Variants in SPAG16 observed in about 807,000 individuals in gnomAD.
The protein encoded by SPAG16 is sperm-associated antigen 16 protein.
A neutral mutation model predicts 80.4 loss-of-function variants in SPAG16; 86 were observed. The ratio of observed to expected loss-of-function variants is 1.07; its 90% confidence interval spans 0.90 to 1.28. SPAG16 has a LOEUF of 1.28. Among genes scored for constraint, SPAG16 ranks in the 50% most tolerant of loss-of-function variants. SPAG16 has a pLI of 0.00. For synonymous variants in SPAG16, 294 were observed against 265.9 expected (o/e 1.11, Z -1.03); for missense variants, 870 against 765.3 (o/e 1.14, Z -1.61).
At chr2:214,391,654 AAC>A (rs1701085749) in intron 15 of SPAG16, among the ~76,000 whole-genome samples, 1 of 152,220 alleles carries the variant, frequency 6.6e-6, no homozygotes, top group South Asian at 2.1e-4. Context: ...TAACTGACTT[AAC>A]AGAGTGGGAG....
intron 15 of SPAG16, among the ~76,000 whole-genome samples, chr2:214,289,622 G>T (rs1179564028): frequency 2.0e-5 from 3 of 152,260 alleles, no homozygotes; most frequent in East Asian, 3.9e-4. Context: ...GTTTGTTTGG[G>T]TTATTATAGC....
chr2:214,281,011 A>G, intron 15 of SPAG16: 1 of 398,686 alleles, frequency 2.5e-6, no homozygotes. Flanking sequence ...GGATAGACAA[A>G]CCTCCATTCA....
At position 213,362,809 on chromosome 2, in the gene SPAG16, A is replaced by C. The variant is rs6717752; in HGVS notation, c.763-1267A>C. Among the ~76,000 whole-genome samples the C allele has an allele frequency of 3.2e-3, 490 of 152,088 alleles. 2 individuals carry two copies. The highest frequency in any genetic ancestry group is 0.011 in the African/African-American group (455 of 41,486). On this transcript the variant is annotated intron_variant, in intron 7 of 15. Transcript: ENST00000331683. ...AGACTGGGTAATTTATAAGGAAAAG[A>C]GGTTTATTTGGCGCATGGTTCTGCA...
intron 13 of SPAG16, among the ~76,000 whole-genome samples, chr2:214,090,806 C>G (rs887853560): frequency 1.3e-4 from 20 of 151,990 alleles, no homozygotes; most frequent in African/African-American, 4.6e-4. Flanking sequence ...GTTTCTTCCT[C>G]ATTAGTCTTT....
intron 9 of SPAG16, among the ~76,000 whole-genome samples, chr2:213,459,907 A>G (rs1353502359): frequency 6.6e-6 from 1 of 152,240 alleles, no homozygotes; most frequent in East Asian, 1.9e-4. Flanking sequence ...CTTTAAGGAA[A>G]AATATTTATA....
chr2:214,305,014 C>T (rs1439566847), intron 15 of SPAG16, among the ~76,000 whole-genome samples: 1 of 152,122 alleles, frequency 6.6e-6, no homozygotes, highest in Non-Finnish European at 1.5e-5. Flanking sequence ...GTGTTCCTTT[C>T]TCTCCACAAC....
intron 10 of SPAG16, among the ~76,000 whole-genome samples, chr2:213,731,959 T>C (rs1007590105): frequency 6.6e-6 from 1 of 152,182 alleles, no homozygotes; most frequent in Non-Finnish European, 1.5e-5. Context: ...TTGCAATGGC[T>C]TTTGATGTTT....
chr2:213,871,310 G>A (rs2075935726), intron 11 of SPAG16, among the ~76,000 whole-genome samples: 1 of 152,026 alleles, frequency 6.6e-6, no homozygotes, highest in Admixed American at 6.6e-5. Context: ...AGGAGGGAAT[G>A]TTAAAATCCA....
chr2:214,226,953 G>C (rs1292211676), intron 15 of SPAG16, among the ~76,000 whole-genome samples: 1 of 151,936 alleles, frequency 6.6e-6, no homozygotes, highest in Admixed American at 6.6e-5. Context: ...GGATTGCCAA[G>C]TATGAATCAA....
At chr2:213,936,861 A>T (rs993463887) in intron 12 of SPAG16, among the ~76,000 whole-genome samples, 1 of 152,088 alleles carries the variant, frequency 6.6e-6, no homozygotes, top group Non-Finnish European at 1.5e-5. Flanking sequence ...TCCTAGCATC[A>T]CTTCCTTTTT....
At chr2:213,425,574 C>T (rs1002860078) in intron 9 of SPAG16, among the ~76,000 whole-genome samples, 1 of 150,442 alleles carries the variant, frequency 6.6e-6, no homozygotes, top group East Asian at 1.9e-4. Flanking sequence ...ATTGCTTGAA[C>T]CAGGAAGGTA....
chr2:214,107,310 C>T (rs564259352), intron 13 of SPAG16, among the ~76,000 whole-genome samples: 3 of 152,024 alleles, frequency 2.0e-5, no homozygotes, highest in Non-Finnish European at 2.9e-5. Flanking sequence ...AGAATTGTGC[C>T]GACAAATATT....
At chr2:213,581,391 AT>A (rs929906091) in intron 10 of SPAG16, among the ~76,000 whole-genome samples, 18 of 151,694 alleles carry the variant, frequency 1.2e-4, no homozygotes, top group South Asian at 4.2e-4. Flanking sequence ...TAATTTTAAA[AT>A]TTTTTTTGTA....
intron 12 of SPAG16, among the ~76,000 whole-genome samples, chr2:213,971,410 A>G (rs2045045813): frequency 2.0e-5 from 3 of 152,122 alleles, no homozygotes; most frequent in South Asian, 4.1e-4. Context: ...TTTCCAAATT[A>G]TATCTGCCAT....
rs1364163893 is a variant in SPAG16, at chr2:213,284,529, G to A, written c.46G>A (p.Glu16Lys). Residue 16 changes from glutamate (E) to lysine (K), a missense_variant, in exon 1 of 16, where the codon GAA (glutamate) becomes AAA (lysine). Physicochemically the swap from Glu to Lys is moderately conservative, Grantham distance 56. Transcript: ENST00000331683. ...GCCCAGCTCCGCCGTGAGGGTCCTG[G>A]AAGAGGCGTTGGGCATGGGTTTGAC... ...GMPSSAVRVL[E>K]EALGMGLTAA... 1 of 1,597,752 alleles carries A rather than the reference G, an allele frequency of 6.3e-7. No homozygotes were observed. Among genetic ancestry groups the A allele is most frequent in the Admixed American group, 1.7e-5 (1 of 57,554 alleles).
chr2:214,200,245 C>T (rs969002727), intron 15 of SPAG16, among the ~76,000 whole-genome samples: 2 of 152,064 alleles, frequency 1.3e-5, no homozygotes, highest in East Asian at 3.9e-4. Context: ...GCTTTTATTA[C>T]TCGAAGGTAA....
intron 13 of SPAG16, among the ~76,000 whole-genome samples, chr2:214,060,318 T>C (rs566199373): frequency 2.7e-4 from 41 of 152,212 alleles, no homozygotes; most frequent in Non-Finnish European, 5.0e-4. Context: ...TTCCCAAACA[T>C]TCCTTATTTT....
intron 10 of SPAG16, among the ~76,000 whole-genome samples, chr2:213,545,973 ACTC>A (rs771356388): frequency 1.3e-5 from 2 of 151,026 alleles, no homozygotes; most frequent in Non-Finnish European, 3.0e-5. Flanking sequence ...GAAGGTCACT[ACTC>A]TTTTTTTAGA....
At chr2:213,422,027 A>C in intron 9 of SPAG16, 2 of 582,100 alleles carry the variant, frequency 3.4e-6, no homozygotes, top group East Asian at 5.6e-5. Context: ...TTTTTCATGT[A>C]CCTCATTCTT....
Sources: allele counts gnomAD v4.1 joint callset (sites outside exome capture counted in the v4.1 genomes callset), GRCh38; gene constraint gnomAD v4.1.1; transcripts MANE v1.5; gene names NCBI Gene and HGNC (gene_info 2026-07-23, HGNC 2026-07-21).